The following PROM2 variants were observed in gnomAD, a reference collection of about 807,000 sequenced individuals.
PROM2 encodes prominin 2.
PROM2 carries 90 observed loss-of-function variants against 110.2 expected under a neutral mutation model. The ratio of observed to expected loss-of-function variants is 0.82; its 90% CI spans 0.69 to 0.97. PROM2 has a LOEUF of 0.97. Ranked by LOEUF, PROM2 falls within the 50% of genes least tolerant of loss-of-function variation. The pLI is 0.00. For missense variants in PROM2, 1,009 were observed against 1,074.8 expected, an observed-to-expected ratio of 0.94 and a Z score of 0.86; for synonymous variants, 470 against 467.8, an observed-to-expected ratio of 1.00 and a Z score of -0.06.
At chr2:95,286,758 C>T (rs1198288627) in intron 17 of PROM2, 46 bp from the exon 18 acceptor site, 1 of 1,557,320 alleles carries the variant, frequency 6.4e-7, no homozygotes, top group Non-Finnish European at 8.8e-7. Flanking sequence ...CTCCTCCCTC[C>T]CCTTCCCTTG....
Position 95,278,719 on chromosome 2 carries a change from A to C in PROM2, c.1051-2A>C, listed in dbSNP as rs999025832. The C allele has an allele frequency of 6.2e-7, 1 of 1,613,972 alleles. No individual in the cohort carries two copies. Among genetic ancestry groups the C allele is most frequent in the Non-Finnish European group, 8.5e-7 (1 of 1,180,036 alleles). On this transcript the variant is annotated splice_acceptor_variant, in intron 8 of 23. Coordinates refer to ENST00000317620, the MANE Select transcript of PROM2 (RefSeq NM_001165978.3). LOFTEE classifies it high-confidence loss of function. ...AGGCCCAGCACTACTTGGTTCCTGC[A>C]GGAGAACAGCACCTTCAACGCCCTT...
intron 16 of PROM2, 57 bp from the exon 17 acceptor site, chr2:95,286,422 T>C (rs1031081570): frequency 3.9e-5 from 57 of 1,471,378 alleles, no homozygotes; most frequent in African/African-American, 9.7e-5. Context: ...ACTGAAAGGC[T>C]GGGTGACGGG....
At chr2:95,284,334 T>A (rs1337230418) in intron 14 of PROM2, among the ~76,000 whole-genome samples, 4 of 152,020 alleles carry the variant, frequency 2.6e-5, no homozygotes, top group African/African-American at 9.7e-5. Flanking sequence ...CCTCTACAAT[T>A]TTTTTTAAAA....
chr2:95,275,997 C>A lies in PROM2; in HGVS notation c.362C>A (p.Pro121His). ...GCGGGCCTCTACCTGCTGCTGGTGC[C>A]CACTGCCGGGCTTTGCTTCTGCTGC... ...VIAGLYLLLV[P>H]TAGLCFCCCR... is the part of the protein sequence containing the mutation. Residue 121 changes from proline (P) to histidine (H), a missense_variant, in exon 3 of 24, where the codon CCC becomes CAC. By Grantham distance (77) the Pro-to-His change is moderately conservative (BLOSUM62 -2). Coordinates refer to ENST00000317620, the MANE Select transcript of PROM2 (RefSeq NM_001165978.3). This position sits in a 1 kb window ranked among gnomAD's most constrained non-coding sequence, Gnocchi z 4.4. The A allele has an allele frequency of 6.2e-7, 1 of 1,612,134 alleles. No homozygotes were observed. Among genetic ancestry groups the A allele is most frequent in the South Asian group, 1.1e-5 (1 of 91,054 alleles).
intron 6 of PROM2, 86 bp downstream of exon 6, chr2:95,277,147 C>T: frequency 7.7e-7 from 1 of 1,295,002 alleles, no homozygotes; most frequent in Non-Finnish European, 1.1e-6. Flanking sequence ...CCTGGATTTC[C>T]TGAGCCACCT....
intron 8 of PROM2, chr2:95,278,462 T>G: frequency 1.7e-6 from 1 of 582,220 alleles, no homozygotes; most frequent in African/African-American, 1.9e-5. Flanking sequence ...ACCTGGCAGT[T>G]GTGTGGAGGG....
In PROM2 at chr2:95,276,686, C is replaced by A; in HGVS notation, c.682+29C>A. On this transcript the variant is annotated intron_variant, in intron 5 of 23. Transcript: ENST00000317620. This position sits in a 1 kb window ranked among gnomAD's most constrained non-coding sequence, Gnocchi z 4.6. ...AGGGTCTCGGGGACTGGCAGGTGGG[C>A]TGGCTCCTTCCAGGGCCCCTGCTCG... The A allele has an allele frequency of 1.4e-5, 22 of 1,610,572 alleles. No homozygotes were observed. The highest frequency in any genetic ancestry group is 1.8e-5 in the Non-Finnish European group (21 of 1,178,740).
At chr2:95,289,066 G>A in intron 23 of PROM2, 60 bp downstream of exon 23, 1 of 1,042,480 alleles carries the variant, frequency 9.6e-7, no homozygotes, top group South Asian at 1.3e-5. Flanking sequence ...GTGGGGTGGG[G>A]AGGGGCTGGG....
At chr2:95,281,182 G>A in intron 11 of PROM2, 60 bp from the exon 12 acceptor site, 1 of 1,587,750 alleles carries the variant, frequency 6.3e-7, no homozygotes. Context: ...GTGGGACAGA[G>A]GGTATGGTCA....
At position 95,288,127 on chromosome 2, in the gene PROM2, C is replaced by T. The variant is rs554400343; in HGVS notation, c.2245-84C>T. ...TCCCCAGGCCTTTCTGTGTCCCTGT[C>T]AACCACTCTCCCTGAATTGAATATG... On this transcript the variant is annotated intron_variant, in intron 20 of 23. Coordinates refer to ENST00000317620, the MANE Select transcript of PROM2 (RefSeq NM_001165978.3). The T allele has an allele frequency of 3.6e-5, 50 of 1,397,760 alleles. No homozygotes were observed. In the Middle Eastern group the frequency reaches 8.9e-4, roughly 25 times the overall value. 86.6% of individuals were successfully genotyped at this position (1,397,760 alleles called of 1,614,324 possible).
intron 20 of PROM2, 125 bp from the exon 21 acceptor site, chr2:95,288,086 G>C (rs191613385): frequency 8.6e-5 from 71 of 826,430 alleles, no homozygotes; most frequent in East Asian, 2.5e-5. Context: ...ACAAGTGTGC[G>C]GTGGCCCCAA....
At position 95,277,963 on chromosome 2, in the gene PROM2, A is replaced by G; in HGVS notation, c.1009A>G (p.Lys337Glu). 1 of 1,612,438 alleles carries G rather than the reference A, an allele frequency of 6.2e-7. No homozygotes were observed. The highest frequency in any genetic ancestry group is 1.7e-4 in the Middle Eastern group (1 of 6,058). Residue 337 changes from lysine (K) to glutamate (E), a missense_variant, in exon 8 of 24, where the codon AAA becomes GAA. Coordinates refer to ENST00000317620, the MANE Select transcript of PROM2 (RefSeq NM_001165978.3). The stretch of plus-strand genomic sequence containing the variant: ...TGTGGACCATGTCCTGCACCAGCTA[A>G]AAGGTGTCCCCGAGGCCAACTTCTC... ...PSVDHVLHQL[K>E]GVPEANFSSM...
At position 95,279,879 on chromosome 2, in the gene PROM2, C is replaced by T. The variant is rs1177318650; in HGVS notation, c.1309C>T (p.Leu437=). 1 of 1,544,334 alleles carries T rather than the reference C, an allele frequency of 6.5e-7. No individual in the cohort carries two copies. The change falls in exon 11 of 24, where the codon CTA becomes TTA. Residue 437 remains leucine (L), a synonymous_variant. Coordinates refer to ENST00000317620, the MANE Select transcript of PROM2 (RefSeq NM_001165978.3). The part of the protein sequence containing the change: ...IVGCVLCSVV[L]FVVLCNLLGL... The stretch of plus-strand genomic sequence containing the variant: ...GGGCTGCGTGCTGTGCTCCGTGGTC[C>T]TATTCGTGGTGCTCTGCAACCTGCT...
chr2:95,277,535 G>T lies in PROM2; in HGVS notation c.944G>T (p.Arg315Leu), dbSNP rs77052566. The change falls in exon 7 of 24, where the codon CGC (arginine) becomes CTC (leucine). Residue 315 changes from arginine (R) to leucine (L), a missense_variant. Coordinates refer to ENST00000317620, the MANE Select transcript of PROM2 (RefSeq NM_001165978.3). ...TGTGCAGGGGCCCTGAGCTGGGCCC[G>T]CACCCTGGAGCTGGGTGCTGACTTC... ...GDCAGALSWA[R>L]TLELGADFSQ... The T allele has an allele frequency of 3.9e-5, 62 of 1,592,492 alleles. No individual in the cohort carries two copies. The highest frequency in any genetic ancestry group is 4.9e-5 in the Non-Finnish European group (57 of 1,169,908).
At chr2:95,280,230 C>T (rs1345036943) in intron 11 of PROM2, among the ~76,000 whole-genome samples, 1 of 152,164 alleles carries the variant, frequency 6.6e-6, no homozygotes, top group Non-Finnish European at 1.5e-5. Context: ...AGAGTCCCTA[C>T]CCCAGCTTCC....
At chr2:95,288,697 G>T in intron 22 of PROM2, 108 bp downstream of exon 22, 6 of 992,852 alleles carry the variant, frequency 6.0e-6, no homozygotes, top group Non-Finnish European at 9.1e-6. Context: ...GGCAGAGGAG[G>T]CTCATGAGCG....
chr2:95,285,050 C>T lies in PROM2; in HGVS notation c.1810C>T (p.Arg604Trp), dbSNP rs765627100. 23 of 1,598,304 alleles carry T rather than the reference C, an allele frequency of 1.4e-5. No individual in the cohort carries two copies. Among genetic ancestry groups the T allele is most frequent in the Admixed American group, 1.7e-5 (1 of 58,244 alleles). The change falls in exon 15 of 24, where the codon CGG (arginine) becomes TGG (tryptophan). Residue 604 changes from arginine to tryptophan, a missense_variant. By Grantham distance (101) the Arg-to-Trp change is moderately radical. Transcript: ENST00000317620. ...GGACCTGCTGAGCTCAGCCGCCCGC[C>T]GGGACCTGGAGGCCCTGCAGAGCAG... ...SLDLLSSAAR[R>W]DLEALQSSGL... is the part of the protein sequence containing the mutation.
Position 95,276,878 on chromosome 2 carries a change from C to T in PROM2, c.683-94C>T. ...ACTCCCCTCCACCCCCCGGCTCCTG[C>T]AGAGCCCGGTGGGGCCTGGGGAGGC... On this transcript the variant is annotated intron_variant, in intron 5 of 23. Coordinates refer to ENST00000317620, the MANE Select transcript of PROM2 (RefSeq NM_001165978.3). The surrounding 1 kb of genome is among the most constrained non-coding windows in gnomAD (Gnocchi z 4.6). The T allele has an allele frequency of 7.3e-7, 1 of 1,368,224 alleles. No individual in the cohort carries two copies. Among genetic ancestry groups the T allele is most frequent in the Non-Finnish European group, 1.0e-6 (1 of 985,980 alleles). 84.8% of individuals were successfully genotyped at this position (1,368,224 alleles called of 1,614,324 possible). A position where few individuals can be genotyped will look rare whatever the true frequency, so the allele number is the denominator to read the frequency against.
Position 95,275,672 on chromosome 2 carries a change from C to T in PROM2, c.294+162C>T, listed in dbSNP as rs1676603821. 1.3e-5 allele frequency among the ~76,000 whole-genome samples: 2 copies of T among 152,180 alleles called. No homozygotes were observed. Among genetic ancestry groups the T allele is most frequent in the Non-Finnish European group, 1.5e-5 (1 of 68,028 alleles). ...CTCTGTGGGCGCTGCAGTCCGTAGA[C>T]CTGGGTGCAAACCACAGCTCTGCCA... On this transcript the variant is annotated intron_variant, in intron 2 of 23. Coordinates refer to ENST00000317620, the MANE Select transcript of PROM2 (RefSeq NM_001165978.3). This position sits in a 1 kb window ranked among gnomAD's most constrained non-coding sequence, Gnocchi z 4.4.
Sources: gnomAD v4.1 joint callset for allele counts (sites outside exome capture counted in the v4.1 genomes callset) on GRCh38, gnomAD v4.1.1 for gene constraint, Gnocchi (gnomAD v3.1) non-coding constraint, MANE v1.5 for transcripts, NCBI Gene and HGNC (gene_info 2026-07-23, HGNC 2026-07-21) for gene names.